LRMDA: variants seen among roughly 807,000 people sequenced by gnomAD.
LRMDA encodes the protein leucine-rich melanocyte differentiation-associated protein.
A neutral mutation model predicts 29.8 loss-of-function variants in LRMDA; 18 were observed. The observed-to-expected ratio is 0.60, with a 90% CI of 0.42 to 0.90. The LOEUF (loss-of-function observed/expected upper bound fraction) is 0.90, where lower values mean the gene tolerates loss of function less well. Ranked by LOEUF, LRMDA falls within the 40% of genes least tolerant of loss-of-function variation. LRMDA has a pLI of 0.00. For missense variants in LRMDA, 273 were observed against 273.9 expected (o/e 1.00, Z 0.02); for synonymous variants, 125 against 109.4 (o/e 1.14, Z -0.89).
chr10:75,704,496 T>G (rs1308500490), intron 2 of LRMDA, among the ~76,000 whole-genome samples: 1 of 152,214 alleles, frequency 6.6e-6, no homozygotes. Context: ...TTTGTCATGG[T>G]GCAGGACCAT....
At chr10:75,499,917 C>G (rs1165706690) in intron 2 of LRMDA, among the ~76,000 whole-genome samples, 1 of 152,168 alleles carries the variant, frequency 6.6e-6, no homozygotes, top group African/African-American at 2.4e-5. Flanking sequence ...CGGCCTGATT[C>G]AATGAAAAGA....
intron 5 of LRMDA, among the ~76,000 whole-genome samples, chr10:76,239,034 C>T (rs1375416644): frequency 1.3e-5 from 2 of 152,180 alleles, no homozygotes; most frequent in Non-Finnish European, 2.9e-5. Flanking sequence ...ACCAGGCCAA[C>T]TCCCAGGGGG....
chr10:76,438,385 G>T lies in LRMDA; in HGVS notation c.601+113900G>T, dbSNP rs560352642. ...AACTTACAATACTCATTGCATGACA[G>T]AATTATTTTTCATTTCTCTCTTTCT... On this transcript the variant is annotated intron_variant, in intron 6 of 6. Transcript: ENST00000611255. 3.9e-5 allele frequency among the ~76,000 whole-genome samples: 6 copies of T among 152,284 alleles called. No homozygotes were observed. In the South Asian group the frequency reaches 1.2e-3, roughly 32 times the overall value.
At chr10:76,306,022 G>A (rs1475484739) in intron 5 of LRMDA, among the ~76,000 whole-genome samples, 3 of 152,090 alleles carry the variant, frequency 2.0e-5, no homozygotes, top group African/African-American at 4.8e-5. Flanking sequence ...CATTAGTATT[G>A]TGAAAATTAA....
chr10:75,930,658 C>G (rs1846191751), intron 2 of LRMDA, among the ~76,000 whole-genome samples: 1 of 152,142 alleles, frequency 6.6e-6, no homozygotes, highest in Non-Finnish European at 1.5e-5. Context: ...AGCCATTTGT[C>G]AAAGTTGCTG....
chr10:75,954,290 G>A (rs1336649519), intron 2 of LRMDA, among the ~76,000 whole-genome samples: 5 of 152,186 alleles, frequency 3.3e-5, no homozygotes, highest in Non-Finnish European at 7.3e-5. Flanking sequence ...GAGCAGTTGT[G>A]TGCAGTCCTA....
chr10:75,553,556 T>C (rs756601242), intron 2 of LRMDA, among the ~76,000 whole-genome samples: 3 of 152,124 alleles, frequency 2.0e-5, no homozygotes, highest in Non-Finnish European at 4.4e-5. Context: ...TTCTGTCTCA[T>C]ATTTGTTGGG....
rs561311131 is a variant in LRMDA, at chr10:75,737,993, T to C, written c.132-298015T>C. Among the ~76,000 whole-genome samples the C allele has an allele frequency of 1.3e-4, 20 of 152,252 alleles. No individual in the cohort carries two copies. In the South Asian group the frequency reaches 4.1e-3, roughly 32 times the overall value. On this transcript the variant is annotated intron_variant, in intron 2 of 6. Coordinates refer to ENST00000611255, the MANE Select transcript of LRMDA (RefSeq NM_001305581.2). The stretch of plus-strand genomic sequence containing the variant: ...TCTAAGGAGAGAAGCAATTTCCTGA[T>C]TTCTCTCTGGTTTGGGTTAGAGTGG...
Position 76,498,551 on chromosome 10 carries a change from T to C in LRMDA, c.602-58658T>C, listed in dbSNP as rs1192645940. ...AGAGTTTTCCTCAAGCCTTTTCCTATGAAAACTCTCAGGTTTTGTCAGCTG... is the reference window on the plus strand; with the variant it reads ...AGAGTTTTCCTCAAGCCTTTTCCTACGAAAACTCTCAGGTTTTGTCAGCTG... On this transcript the variant is annotated intron_variant, in intron 6 of 6. Transcript: ENST00000611255. Among the ~76,000 whole-genome samples, 2 of 76,074 alleles carry C rather than the reference T, an allele frequency of 2.6e-5. 1 individual carries two copies. Among genetic ancestry groups the C allele is most frequent in the Non-Finnish European group, 8.8e-5 (2 of 22,832 alleles). 49.9% of individuals were successfully genotyped at this position (76,074 alleles called of 152,430 possible). A position where few individuals can be genotyped will look rare whatever the true frequency, so the allele number is the denominator to read the frequency against.
chr10:75,621,851 GTC>G (rs1433411719), intron 2 of LRMDA, among the ~76,000 whole-genome samples: 7 of 152,156 alleles, frequency 4.6e-5, no homozygotes, highest in Non-Finnish European at 8.8e-5. Context: ...AGTCTGGGCT[GTC>G]TCTAGTAGAA....
intron 5 of LRMDA, among the ~76,000 whole-genome samples, chr10:76,177,720 A>C (rs1382243295): frequency 6.6e-6 from 1 of 152,230 alleles, no homozygotes; most frequent in Non-Finnish European, 1.5e-5. Context: ...GAGACCTCCC[A>C]ATTTTACAAG....
chr10:76,257,030 G>A (rs566155174), intron 5 of LRMDA, among the ~76,000 whole-genome samples: 2 of 152,102 alleles, frequency 1.3e-5, no homozygotes, highest in Non-Finnish European at 2.9e-5. Context: ...GCATTTACTT[G>A]TTTTTAATAT....
intron 2 of LRMDA, among the ~76,000 whole-genome samples, chr10:75,762,746 C>G (rs886200686): frequency 3.3e-5 from 5 of 152,256 alleles, no homozygotes; most frequent in East Asian, 3.9e-4. Flanking sequence ...TTTTTAGAAT[C>G]CCTGGCCTCA....
rs1163206014 is a variant in LRMDA, at chr10:76,343,560, A to G, written c.601+19075A>G. ...CAAAAAGGCTTTGGCCAAAAATTTT[A>G]TAGCCATTCTTGATAAAAAGCATTC... On this transcript the variant is annotated intron_variant, in intron 6 of 6. Transcript: ENST00000611255. Among the ~76,000 whole-genome samples the G allele has an allele frequency of 2.6e-5, 4 of 152,188 alleles. No individual in the cohort carries two copies. The East Asian group carries it at 5.8e-4, about 22-fold the overall frequency.
At chr10:75,813,758 A>G (rs1208564594) in intron 2 of LRMDA, among the ~76,000 whole-genome samples, 1 of 152,204 alleles carries the variant, frequency 6.6e-6, no homozygotes, top group Admixed American at 6.5e-5. Flanking sequence ...CTCCCTGTTG[A>G]AAGCTCTTGG....
At chr10:76,311,573 T>G (rs1840629801) in intron 5 of LRMDA, among the ~76,000 whole-genome samples, 1 of 152,208 alleles carries the variant, frequency 6.6e-6, no homozygotes, top group Non-Finnish European at 1.5e-5. Context: ...CCCATAAAAT[T>G]GGCAGTAAAT....
chr10:76,315,774 G>A (rs1456752379), intron 5 of LRMDA, among the ~76,000 whole-genome samples: 1 of 151,976 alleles, frequency 6.6e-6, no homozygotes, highest in Non-Finnish European at 1.5e-5. Context: ...AAGCCTGGGG[G>A]CCGGGCTGCC....
intron 5 of LRMDA, among the ~76,000 whole-genome samples, chr10:76,218,272 G>C (rs1851765549): frequency 6.6e-6 from 1 of 152,214 alleles, no homozygotes; most frequent in Admixed American, 6.5e-5. Flanking sequence ...TGCCCGAACA[G>C]TGCCATTAGT....
At chr10:76,109,387 G>A (rs192152680) in intron 5 of LRMDA, among the ~76,000 whole-genome samples, 4 of 152,300 alleles carry the variant, frequency 2.6e-5, no homozygotes, top group Non-Finnish European at 1.5e-5. Flanking sequence ...CCTATTGAAG[G>A]CTAGCTACTC....
Sources: allele counts gnomAD v4.1 joint callset (sites outside exome capture counted in the v4.1 genomes callset), GRCh38; gene constraint gnomAD v4.1.1; transcripts MANE v1.5; gene names NCBI Gene and HGNC (gene_info 2026-07-23, HGNC 2026-07-21).